Variants in SLC23A2 observed in about 807,000 individuals in gnomAD.
The protein encoded by SLC23A2 is solute carrier family 23 member 2.
A neutral mutation model predicts 73.3 loss-of-function variants in SLC23A2; 36 were observed. The ratio of observed to expected loss-of-function variants is 0.49; its 90% CI spans 0.38 to 0.65. SLC23A2 has a LOEUF of 0.65. Among genes scored for constraint, SLC23A2 ranks in the 30% least tolerant of loss-of-function variants. SLC23A2 has a pLI of 0.00. For missense variants in SLC23A2, 507 were observed against 841.6 expected (o/e 0.60, Z 4.92); for synonymous variants, 343 against 327.3 (o/e 1.05, Z -0.52).
chr20:4,930,975 A>ATT (rs201545727), intron 3 of SLC23A2, among the ~76,000 whole-genome samples: 8 of 127,424 alleles, frequency 6.3e-5, no homozygotes, highest in African/African-American at 1.2e-4. Context: ...GACTCAGTCT[A>ATT]TTTTTTTTTT....
rs141018285 is a variant in SLC23A2 at position 4,969,213 on chromosome 20, G to A, written c.-155+1580C>T. 5.8e-3 allele frequency among the ~76,000 whole-genome samples: 871 copies of A among 151,402 alleles called. 9 individuals are homozygous for A. Among genetic ancestry groups the A allele is most frequent in the Non-Finnish European group, 9.1e-3 (620 of 67,840 alleles). On this transcript the variant is annotated intron_variant, in intron 2 of 16. Transcript: ENST00000338244. ...AGCGATTCTCCTACCTCAGCCTCCC[G>A]AATAGCTGGGATTACAGGTATGCGC...
At position 5,007,657 on chromosome 20, in the gene SLC23A2, A is replaced by G. The variant is rs375662144; in HGVS notation, c.-282+2525T>C. 2.0e-5 allele frequency among the ~76,000 whole-genome samples: 3 copies of G among 152,244 alleles called. No individual in the cohort carries two copies. In the East Asian group the frequency reaches 5.8e-4, roughly 29 times the overall value. On this transcript the variant is annotated intron_variant, in intron 1 of 16. Coordinates refer to the SLC23A2 transcript ENST00000379333. ...TTTTATCACTCCTAAAAGAAACTCC[A>G]TATCTATTAGCAGTCATTTCCTATT... is the stretch of plus-strand genomic sequence containing the variant.
chr20:4,899,836 T>C lies in SLC23A2; in HGVS notation c.325-124A>G, dbSNP rs1046773754. ...GCCCACATAAAGAATCTCCTTGGTT[T>C]TTCGACCAAGCCATACTTTTTTCCT... On this transcript the variant is annotated intron_variant, in intron 5 of 16. Coordinates refer to ENST00000338244, the MANE Select transcript of SLC23A2 (RefSeq NM_005116.6). This position sits in a 1 kb window ranked among gnomAD's most constrained non-coding sequence, Gnocchi z 4.9. 3.0e-6 allele frequency: 3 copies of C among 987,610 alleles called. No homozygotes were observed. The highest frequency in any genetic ancestry group is 4.5e-6 in the Non-Finnish European group (3 of 672,362). The allele number at this position is 987,610 out of a possible 1,614,324, so 61.2% of individuals were successfully genotyped here. A position where few individuals can be genotyped will look rare whatever the true frequency, so the allele number is the denominator to read the frequency against.
At chr20:5,005,274 T>C (rs2088179069), upstream of SLC23A2, among the ~76,000 whole-genome samples, 1 of 152,076 alleles carries the variant, frequency 6.6e-6, no homozygotes, top group South Asian at 2.1e-4. Context: ...TATCATTATT[T>C]TTACATAATT....
intron 4 of SLC23A2, among the ~76,000 whole-genome samples, chr20:4,903,158 A>C (rs930490279): frequency 2.0e-5 from 3 of 152,194 alleles, no homozygotes; most frequent in African/African-American, 2.4e-5. Context: ...AAATGTATTC[A>C]TAGTTTAGGT....
intron 1 of SLC23A2, among the ~76,000 whole-genome samples, chr20:4,978,435 G>C (rs1345326999): frequency 1.3e-5 from 2 of 152,154 alleles, no homozygotes; most frequent in African/African-American, 4.8e-5. Flanking sequence ...CTAGAGGTCA[G>C]AATTGTGAAC....
rs960888044 is a variant in SLC23A2, at chr20:4,883,383, T to C, written c.824+259A>G. Among the ~76,000 whole-genome samples the C allele has an allele frequency of 1.3e-5, 2 of 152,144 alleles. No homozygotes were observed. The highest frequency in any genetic ancestry group is 4.8e-5 in the African/African-American group (2 of 41,440). On this transcript the variant is annotated intron_variant, in intron 9 of 16. Coordinates refer to ENST00000338244, the MANE Select transcript of SLC23A2 (RefSeq NM_005116.6). The surrounding 1 kb of genome is among the most constrained non-coding windows in gnomAD (Gnocchi z 4.5). ...TCAAAAACAAATGGCGCCACTACCT[T>C]ACCCCACTACCAAAGCTTAAAAACT...
At chr20:4,981,996 C>CGGACG (rs1320298157) in intron 1 of SLC23A2, among the ~76,000 whole-genome samples, 4 of 150,136 alleles carry the variant, frequency 2.7e-5, no homozygotes, top group East Asian at 3.9e-4. Flanking sequence ...CCACCGTGCC[C>CGGACG]AGCCTCTTTC....
At chr20:4,942,956 T>G (rs115684824) in intron 2 of SLC23A2, among the ~76,000 whole-genome samples, 1,553 of 152,052 alleles carry the variant, frequency 0.01, 15 homozygotes, top group African/African-American at 0.035. Context: ...CTGGGCACAG[T>G]GACTCCCAAC....
At chr20:4,951,664 T>G (rs538563964) in intron 2 of SLC23A2, among the ~76,000 whole-genome samples, 2 of 152,160 alleles carry the variant, frequency 1.3e-5, no homozygotes, top group African/African-American at 2.4e-5. Flanking sequence ...TAGGATTCTC[T>G]GCAGGATGAA....
At chr20:4,979,989 C>A (rs542939159) in intron 1 of SLC23A2, among the ~76,000 whole-genome samples, 34 of 150,676 alleles carry the variant, frequency 2.3e-4, no homozygotes, top group East Asian at 7.8e-4. Context: ...GCAAAAAAAA[C>A]CACAATAAGC....
chr20:4,991,356 C>T (rs921632420), intron 1 of SLC23A2, among the ~76,000 whole-genome samples: 2 of 152,168 alleles, frequency 1.3e-5, no homozygotes, highest in Admixed American at 1.3e-4. Flanking sequence ...GCAATCTTCC[C>T]ATGTCGGCTT....
intron 2 of SLC23A2, among the ~76,000 whole-genome samples, chr20:4,945,502 T>C (rs2087107157): frequency 6.6e-6 from 1 of 152,158 alleles, no homozygotes; most frequent in Non-Finnish European, 1.5e-5. Context: ...CAGGCTGGTC[T>C]CGAACTCCTG....
At position 4,924,912 on chromosome 20, in the gene SLC23A2, A is replaced by G. The variant is rs540338500; in HGVS notation, c.108+7543T>C. On this transcript the variant is annotated intron_variant, in intron 3 of 16. Transcript: ENST00000338244. ...AGAATGAAAGCCCTGTGGCCAGGCAAAGTGGCTCCCACCTGTAATCCCAGC... is the reference window on the plus strand; with the variant it reads ...AGAATGAAAGCCCTGTGGCCAGGCAGAGTGGCTCCCACCTGTAATCCCAGC... Among the ~76,000 whole-genome samples the G allele has an allele frequency of 2.4e-3, 360 of 152,288 alleles. 4 individuals carry two copies. Among genetic ancestry groups the G allele is most frequent in the South Asian group, 6.8e-3 (33 of 4,826 alleles).
intron 2 of SLC23A2, among the ~76,000 whole-genome samples, chr20:4,961,553 T>A (rs939894863): frequency 6.6e-6 from 1 of 152,170 alleles, no homozygotes; most frequent in East Asian, 1.9e-4. Context: ...GCGATTTTTT[T>A]AAAGCTCATC....
Position 4,932,557 on chromosome 20 carries a change from C to T in SLC23A2, c.6G>A (p.Met2Ile), listed in dbSNP as rs1238010767. 2 of 1,548,216 alleles carry T rather than the reference C, an allele frequency of 1.3e-6. No individual in the cohort carries two copies. The highest frequency in any genetic ancestry group is 1.8e-6 in the Non-Finnish European group (2 of 1,119,880). MMGIGKNTTSKS... is the reference protein window; with the variant it reads MIGIGKNTTSKS... ...TGGATGTGGTATTCTTACCAATACC[C>T]ATCATTAAGAGAAACGAGTAGTTTA... Residue 2 changes from methionine (M) to isoleucine (I), a missense_variant, in exon 3 of 17, where the codon ATG becomes ATA. Met to Ile is a conservative substitution (Grantham distance 10, BLOSUM62 1). Transcript: ENST00000338244.
In SLC23A2 at chr20:4,883,715, C is replaced by T; in HGVS notation, c.751G>A (p.Val251Met). 1 of 1,614,008 alleles carries T rather than the reference C, an allele frequency of 6.2e-7. No individual in the cohort carries two copies. The highest frequency in any genetic ancestry group is 8.5e-7 in the Non-Finnish European group (1 of 1,179,922). ...AAACCAGAGAGGCCAATTAGGGCCA[C>T]CGTGGGTGTAATGGTCAAGGGACCG... ...YIGPLTITPTVALIGLSGFQA... is the reference protein window; with the variant it reads ...YIGPLTITPTMALIGLSGFQA... Residue 251 changes from valine (V) to methionine (M), a missense_variant, in exon 9 of 17, where the codon GTG (valine) becomes ATG (methionine). Val to Met is a conservative substitution (Grantham distance 21, BLOSUM62 1). Around this residue, in one of 5 missense-constraint regions of SLC23A2, gnomAD observed 217 missense variants for 398.0 expected, o/e 0.55. Transcript: ENST00000338244. This position sits in a 1 kb window ranked among gnomAD's most constrained non-coding sequence, Gnocchi z 4.5.
chr20:4,977,654 C>A (rs1162902144), intron 1 of SLC23A2, among the ~76,000 whole-genome samples: 2 of 149,972 alleles, frequency 1.3e-5, no homozygotes, highest in African/African-American at 4.9e-5. Context: ...GCTGAGACTG[C>A]ACCACTGCAC....
At chr20:4,893,186 C>T (rs1459244019) in intron 6 of SLC23A2, among the ~76,000 whole-genome samples, 1 of 151,900 alleles carries the variant, frequency 6.6e-6, no homozygotes, top group African/African-American at 2.4e-5. Flanking sequence ...ACTTCAGCCT[C>T]TCAAGTAGCT....
Sources: allele counts gnomAD v4.1 joint callset (sites outside exome capture counted in the v4.1 genomes callset), GRCh38; gene constraint gnomAD v4.1.1; regional missense constraint gnomAD v4.1.1; non-coding constraint Gnocchi (gnomAD v3.1); transcripts MANE v1.5; gene names NCBI Gene and HGNC (gene_info 2026-07-23, HGNC 2026-07-21).